The following TGFB3 variants were observed in gnomAD, a reference collection of about 807,000 sequenced individuals.
TGFB3 encodes transforming growth factor beta-3 proprotein.
Under a neutral mutation model 40.1 loss-of-function variants are expected in TGFB3, and 5 were observed. The ratio of observed to expected loss-of-function variants is 0.12; its 90% CI spans 0.07 to 0.26. TGFB3 has a LOEUF of 0.26. Ranked by LOEUF, TGFB3 falls within the 10% of genes least tolerant of loss-of-function variation. TGFB3 has a pLI of 1.00. For missense variants in TGFB3, 373 were observed against 530.1 expected, an observed-to-expected ratio of 0.70 and a Z score of 2.91; for synonymous variants, 184 against 205.6, an observed-to-expected ratio of 0.89 and a Z score of 0.90.
intron 3 of TGFB3, among the ~76,000 whole-genome samples, chr14:75,967,704 T>C (rs2035235847): frequency 6.6e-6 from 1 of 152,210 alleles, no homozygotes; most frequent in Non-Finnish European, 1.5e-5. Flanking sequence ...ATTCTATCTC[T>C]ATAATAATCC....
intron 4 of TGFB3, among the ~76,000 whole-genome samples, chr14:75,963,869 T>A (rs1707696738): frequency 6.8e-6 from 1 of 147,848 alleles, no homozygotes; most frequent in African/African-American, 2.6e-5. Flanking sequence ...GTTGTCGGCT[T>A]GTTTATTTGT....
rs1446755738 is a variant in TGFB3, at chr14:75,959,299, G to A, written c.1127C>T (p.Pro376Leu). ...CTCCAGGTCCTGGGGCACGCAGCAAGGCGAGGCAGATGCTTCAGGGTTCAG... is the reference window on the plus strand; with the variant it reads ...CTCCAGGTCCTGGGGCACGCAGCAAAGCGAGGCAGATGCTTCAGGGTTCAG... ...NTLNPEASASPCCVPQDLEPL... is the reference protein window; with the variant it reads ...NTLNPEASASLCCVPQDLEPL... Residue 376 changes from proline to leucine, a missense_variant, in exon 7 of 7, where the codon CCT (proline) becomes CTT (leucine). By Grantham distance (98) the Pro-to-Leu change is moderately conservative (BLOSUM62 -3). Coordinates refer to ENST00000238682, the MANE Select transcript of TGFB3 (RefSeq NM_003239.5). 2 of 1,614,206 alleles carry A rather than the reference G, an allele frequency of 1.2e-6. No individual in the cohort carries two copies. Among genetic ancestry groups the A allele is most frequent in the Non-Finnish European group, 1.7e-6 (2 of 1,180,022 alleles).
At position 75,980,429 on chromosome 14, in the gene TGFB3, G is replaced by T. The variant is rs1248920018; in HGVS notation, c.352+113C>A. The T allele has an allele frequency of 2.7e-6, 3 of 1,115,880 alleles. No homozygotes were observed. Among genetic ancestry groups the T allele is most frequent in the Non-Finnish European group, 4.1e-6 (3 of 735,844 alleles). The allele number at this position is 1,115,880 out of a possible 1,614,324, so 69.1% of individuals were successfully genotyped here. ...ATCGCACATCCTGAGCCTTGGTGCT[G>T]GTGAATCCTGGGGCACCCTGCTGTG... is the stretch of plus-strand genomic sequence containing the variant. On this transcript the variant is annotated intron_variant, in intron 1 of 6. Transcript: ENST00000238682. This position sits in a 1 kb window ranked among gnomAD's most constrained non-coding sequence, Gnocchi z 4.3.
At chr14:75,968,502 C>G (rs1406748360) in intron 3 of TGFB3, among the ~76,000 whole-genome samples, 1 of 152,224 alleles carries the variant, frequency 6.6e-6, no homozygotes, top group African/African-American at 2.4e-5. Flanking sequence ...TCATTGAGTT[C>G]TGCAGCTGTG....
rs533250628 is a variant in TGFB3, at chr14:75,959,267, T to A, written c.1159A>T (p.Thr387Ser). The change falls in exon 7 of 7, where the codon ACC becomes TCC. Residue 387 changes from threonine to serine, a missense_variant. By Grantham distance (58) the Thr-to-Ser change is moderately conservative. Transcript: ENST00000238682. Reference sequence around the variant, plus strand: ...GTCCTCCCAACATAGTACAGGATGGTCAGGGGCTCCAGGTCCTGGGGCACG... The same window carrying A: ...GTCCTCCCAACATAGTACAGGATGGACAGGGGCTCCAGGTCCTGGGGCACG... The part of the protein sequence containing the change: ...CCVPQDLEPL[T>S]ILYYVGRTPK... 6.2e-7 allele frequency: 1 copy of A among 1,614,066 alleles called. No individual in the cohort carries two copies. The highest frequency in any genetic ancestry group is 2.2e-5 in the East Asian group (1 of 44,864).
chr14:75,972,366 G>T (rs1400050402), intron 1 of TGFB3, among the ~76,000 whole-genome samples: 1 of 152,196 alleles, frequency 6.6e-6, no homozygotes, highest in Non-Finnish European at 1.5e-5. Context: ...AGGCTTATGG[G>T]TTAATATCTA....
chr14:75,972,088 T>C (rs1301290197), intron 1 of TGFB3, among the ~76,000 whole-genome samples: 1 of 152,264 alleles, frequency 6.6e-6, no homozygotes, highest in Non-Finnish European at 1.5e-5. Flanking sequence ...TTACATATCT[T>C]ACAGCTAGTT....
rs1347500085 is a variant in TGFB3 at position 75,963,616 on chromosome 14, A to T, written c.755-129T>A. On this transcript the variant is annotated intron_variant, in intron 4 of 6. Transcript: ENST00000238682. Reference sequence around the variant, plus strand: ...GCAGTCTGCGAGGGAGGTGTGGGGGACAAGTGCAGCTTAATTCTGATGTCC... The same window carrying T: ...GCAGTCTGCGAGGGAGGTGTGGGGGTCAAGTGCAGCTTAATTCTGATGTCC... The T allele has an allele frequency of 3.7e-6, 4 of 1,094,260 alleles. No individual in the cohort carries two copies. In the African/African-American group the frequency reaches 6.2e-5, roughly 17 times the overall value. The allele number at this position is 1,094,260 out of a possible 1,614,324, so 67.8% of individuals were successfully genotyped here.
At chr14:75,967,361 C>T (rs2035232410) in intron 3 of TGFB3, among the ~76,000 whole-genome samples, 1 of 152,174 alleles carries the variant, frequency 6.6e-6, no homozygotes, top group Non-Finnish European at 1.5e-5. Context: ...TAAAACAAGG[C>T]AGCTGAGACC....
intron 6 of TGFB3, chr14:75,960,434 C>G (rs1190099218): frequency 5.7e-6 from 1 of 174,912 alleles, no homozygotes; most frequent in Non-Finnish European, 1.2e-5. Flanking sequence ...TTTGATTCCC[C>G]TCAAGGGAAA....
Position 75,959,172 on chromosome 14 carries a change from G to C in TGFB3, c.*15C>G, listed in dbSNP as rs758343114. 1 of 1,614,118 alleles carries C rather than the reference G, an allele frequency of 6.2e-7. No individual in the cohort carries two copies. Among genetic ancestry groups the C allele is most frequent in the Non-Finnish European group, 8.5e-7 (1 of 1,180,000 alleles). On this transcript the variant is annotated 3_prime_UTR_variant, in exon 7 of 7. Coordinates refer to ENST00000238682, the MANE Select transcript of TGFB3 (RefSeq NM_003239.5). ...TGGTGGTTCTCTCTCCCCTCTCTCT[G>C]TCGCACGTGGGGTCTCAGCTACATT...
chr14:75,972,677 G>A (rs1055236051), intron 1 of TGFB3, among the ~76,000 whole-genome samples: 2 of 152,156 alleles, frequency 1.3e-5, no homozygotes, highest in South Asian at 2.1e-4. Flanking sequence ...AGAGGGGCCC[G>A]AAACAGCAGG....
Position 75,958,874 on chromosome 14 carries a change from T to C in TGFB3, c.*313A>G. On this transcript the variant is annotated 3_prime_UTR_variant, in exon 7 of 7. Transcript: ENST00000238682. ...CCCTTTAGGGTAGCCCAAATCCCAT[T>C]GCCACACAACATCTCAACTTACCAT... The C allele has an allele frequency of 2.6e-6, 1 of 388,988 alleles. No individual in the cohort carries two copies. Among genetic ancestry groups the C allele is most frequent in the Non-Finnish European group, 4.9e-6 (1 of 202,878 alleles). 24.1% of individuals were successfully genotyped at this position (388,988 alleles called of 1,614,324 possible). A position where few individuals can be genotyped will look rare whatever the true frequency, so the allele number is the denominator to read the frequency against.
chr14:75,975,564 CCTT>C (rs1327642982), intron 1 of TGFB3, among the ~76,000 whole-genome samples: 1 of 152,100 alleles, frequency 6.6e-6, no homozygotes, highest in Non-Finnish European at 1.5e-5. Flanking sequence ...CTTCATGTGA[CCTT>C]CTAACAACCC....
At chr14:75,962,014 C>T (rs2035163304) in intron 5 of TGFB3, among the ~76,000 whole-genome samples, 1 of 152,140 alleles carries the variant, frequency 6.6e-6, no homozygotes, top group African/African-American at 2.4e-5. Context: ...CTGGCTCTTC[C>T]CCTTCCCTCA....
At chr14:75,975,741 T>C (rs1299977789) in intron 1 of TGFB3, among the ~76,000 whole-genome samples, 1 of 152,206 alleles carries the variant, frequency 6.6e-6, no homozygotes, top group Non-Finnish European at 1.5e-5. Flanking sequence ...CAGAGACTCT[T>C]CAAGCTGGGA....
At chr14:75,962,693 C>A (rs2284791) in intron 5 of TGFB3, among the ~76,000 whole-genome samples, 1 of 152,062 alleles carries the variant, frequency 6.6e-6, no homozygotes, top group African/African-American at 2.4e-5. Context: ...CTCTCATGGG[C>A]GTGATCATCT....
At chr14:75,977,370 C>T (rs1031283792) in intron 1 of TGFB3, among the ~76,000 whole-genome samples, 1 of 152,282 alleles carries the variant, frequency 6.6e-6, no homozygotes, top group East Asian at 1.9e-4. Flanking sequence ...ACTCTCTACT[C>T]CCTCCCGACA....
intron 5 of TGFB3, among the ~76,000 whole-genome samples, chr14:75,961,909 C>T (rs1224321684): frequency 1.3e-5 from 2 of 152,154 alleles, no homozygotes; most frequent in African/African-American, 4.8e-5. Context: ...CCAGTAATGA[C>T]CCATCAGACA....
Sources: allele counts gnomAD v4.1 joint callset (sites outside exome capture counted in the v4.1 genomes callset), GRCh38; gene constraint gnomAD v4.1.1; non-coding constraint Gnocchi (gnomAD v3.1); transcripts MANE v1.5; gene names NCBI Gene and HGNC (gene_info 2026-07-23, HGNC 2026-07-21).